The following CEP164 variants were observed in gnomAD, a reference collection of about 807,000 sequenced individuals.
CEP164 encodes centrosomal protein of 164 kDa.
A neutral mutation model predicts 182.7 loss-of-function variants in CEP164; 162 were observed. The ratio of observed to expected loss-of-function variants is 0.89; its 90% CI spans 0.78 to 1.01. The LOEUF is 1.01. CEP164 is among the 50% of genes least tolerant of loss of function. CEP164 has a pLI of 0.00. For missense variants in CEP164, 1,735 were observed against 1,790.4 expected, an observed-to-expected ratio of 0.97 and a Z score of 0.56; for synonymous variants, 661 against 690.0, an observed-to-expected ratio of 0.96 and a Z score of 0.66.
intron 8 of CEP164, among the ~76,000 whole-genome samples, chr11:117,363,759 CTTTTTTTTTTT>C (rs72255760): frequency 1.4e-4 from 8 of 58,440 alleles, no homozygotes; most frequent in Admixed American, 2.2e-4. Context: ...ACCTCCAATG[CTTTTTTTTTTT>C]TTTTTTTTTT....
At chr11:117,355,016 C>G in intron 5 of CEP164, 1 of 1,289,736 alleles carries the variant, frequency 7.8e-7, no homozygotes, top group Non-Finnish European at 1.0e-6. Context: ...GCTTGCTGAT[C>G]TGGACCTAGA....
intron 11 of CEP164, among the ~76,000 whole-genome samples, chr11:117,376,432 A>G (rs2042751673): frequency 6.6e-6 from 1 of 152,192 alleles, no homozygotes; most frequent in African/African-American, 2.4e-5. Context: ...TCAAACAGAG[A>G]TCCTGTCCTT....
At chr11:117,381,532 G>A (rs906914255) in intron 12 of CEP164, among the ~76,000 whole-genome samples, 169 bp from the exon 13 acceptor site, 3 of 152,180 alleles carry the variant, frequency 2.0e-5, no homozygotes, top group Non-Finnish European at 4.4e-5. Flanking sequence ...CTTCCCACAT[G>A]TGTGGCTGCC....
intron 25 of CEP164, 85 bp downstream of exon 25, chr11:117,396,265 C>T: frequency 6.9e-7 from 1 of 1,445,284 alleles, no homozygotes; most frequent in Non-Finnish European, 9.6e-7. Flanking sequence ...GGAGTACTTC[C>T]AGAGGGGACA....
At chr11:117,372,935 G>A (rs1255131749) in intron 9 of CEP164, among the ~76,000 whole-genome samples, 1 of 152,200 alleles carries the variant, frequency 6.6e-6, no homozygotes, top group Non-Finnish European at 1.5e-5. Flanking sequence ...CAAGACATGG[G>A]AGTGGTTGCT....
At chr11:117,324,432 C>T (rs1264445648), upstream of CEP164, among the ~76,000 whole-genome samples, 1 of 148,632 alleles carries the variant, frequency 6.7e-6, no homozygotes, top group African/African-American at 2.5e-5. Flanking sequence ...GGGCAACAAA[C>T]TCCCTCTCAA....
chr11:117,396,071 C>T lies in CEP164; in HGVS notation c.3107C>T (p.Ala1036Val), dbSNP rs1264586687. 20 of 1,614,030 alleles carry T rather than the reference C, an allele frequency of 1.2e-5. No homozygotes were observed. The highest frequency in any genetic ancestry group is 2.7e-5 in the African/African-American group (2 of 74,920). The part of the protein sequence containing the change: ...QKHFSSLEAE[A>V]QKKQHLLREV... ...TTCCACAGCAGCCTGGAGGCTGAAG[C>T]TCAAAAGAAGCAGCACCTGTTGAGA... Residue 1036 changes from alanine to valine, a missense_variant, in exon 25 of 33, where the codon GCT (alanine) becomes GTT (valine). Ala to Val is a moderately conservative substitution (Grantham distance 64, BLOSUM62 0). Coordinates refer to ENST00000278935, the MANE Select transcript of CEP164 (RefSeq NM_014956.5).
At chr11:117,325,339 C>T (rs1031472605), upstream of CEP164, among the ~76,000 whole-genome samples, 15 of 152,162 alleles carry the variant, frequency 9.9e-5, no homozygotes, top group Admixed American at 2.6e-4. Flanking sequence ...CCTGCCTCAC[C>T]CTCCCGAAGT....
chr11:117,332,340 C>T (rs541660275), intron 1 of CEP164, among the ~76,000 whole-genome samples: 2 of 152,046 alleles, frequency 1.3e-5, no homozygotes, highest in African/African-American at 4.8e-5. Context: ...TTTGGGAGGC[C>T]GAGGCGGGTG....
At chr11:117,398,991 A>G (rs1344720555) in intron 27 of CEP164, among the ~76,000 whole-genome samples, 1 of 151,740 alleles carries the variant, frequency 6.6e-6, no homozygotes, top group Non-Finnish European at 1.5e-5. Flanking sequence ...CTTTCTTTTT[A>G]TTTTTTAATT....
chr11:117,407,052 G>A (rs142614324), intron 27 of CEP164, among the ~76,000 whole-genome samples: 6 of 152,130 alleles, frequency 3.9e-5, no homozygotes, highest in Admixed American at 2.0e-4. Context: ...AGCCGAGATC[G>A]CACCACTGGA....
intron 1 of CEP164, among the ~76,000 whole-genome samples, chr11:117,332,701 G>T (rs764250814): frequency 1.3e-5 from 2 of 152,222 alleles, no homozygotes; most frequent in Non-Finnish European, 2.9e-5. Flanking sequence ...GGCTGGGAAG[G>T]CTTCCTGGAG....
chr11:117,338,480 A>C (rs539948961), intron 2 of CEP164, 86 bp from the exon 3 acceptor site: 45 of 957,712 alleles, frequency 4.7e-5, no homozygotes, highest in Non-Finnish European at 7.4e-5. Flanking sequence ...GGTTTGACCC[A>C]GATGCTCCAT....
chr11:117,403,451 T>G (rs891884079), intron 27 of CEP164, among the ~76,000 whole-genome samples: 4 of 152,238 alleles, frequency 2.6e-5, no homozygotes, highest in Non-Finnish European at 5.9e-5. Flanking sequence ...GGATATGAAA[T>G]TCTTTTCTTT....
Position 117,380,555 on chromosome 11 carries a change from A to C in CEP164, c.1318-59A>C, listed in dbSNP as rs1277727268. On this transcript the variant is annotated intron_variant, in intron 11 of 32. Transcript: ENST00000278935. Reference sequence around the variant, plus strand: ...TCTAAGCTTGAGAGCCAGCAGGAGGATGGAGGGACCCAAATGCAGTCCCTC... The same window carrying C: ...TCTAAGCTTGAGAGCCAGCAGGAGGCTGGAGGGACCCAAATGCAGTCCCTC... 5.1e-6 allele frequency: 7 copies of C among 1,381,748 alleles called. No homozygotes were observed. The Admixed American group carries it at 9.9e-5, about 19-fold the overall frequency. 85.6% of individuals were successfully genotyped at this position (1,381,748 alleles called of 1,614,324 possible).
rs2037158575 is a variant in CEP164 at position 117,336,596 on chromosome 11, A to T, written c.-22+916A>T. 5.5e-6 allele frequency: 8 copies of T among 1,449,478 alleles called. No individual in the cohort carries two copies. In the South Asian group the frequency reaches 9.2e-5, roughly 17 times the overall value. 89.8% of individuals were successfully genotyped at this position (1,449,478 alleles called of 1,614,324 possible). A position where few individuals can be genotyped will look rare whatever the true frequency, so the allele number is the denominator to read the frequency against. ...GGGCACCCAGTGTTGGGGGATATGG[A>T]TTTGGCCCTGGCTGTCTGGCATTGG... On this transcript the variant is annotated intron_variant, in intron 2 of 32. Transcript: ENST00000278935.
chr11:117,335,555 T>G (rs1443881465), intron 1 of CEP164, 50 bp from the exon 2 acceptor site: 1 of 151,962 alleles, frequency 6.6e-6, no homozygotes, highest in African/African-American at 2.4e-5. Flanking sequence ...GATCCAGCCA[T>G]TTCCTTTCTA....
intron 27 of CEP164, 45 bp downstream of exon 27, chr11:117,397,358 CG>C (rs1592409694): frequency 1.9e-6 from 3 of 1,559,726 alleles, no homozygotes; most frequent in Non-Finnish European, 2.6e-6. Context: ...GTGGGGGAGG[CG>C]GGGGGAGTCA....
rs1474379094 is a variant in CEP164, at chr11:117,395,671, C to T, written c.3038C>T (p.Ser1013Phe). 14 of 1,613,436 alleles carry T rather than the reference C, an allele frequency of 8.7e-6. No individual in the cohort carries two copies. Among genetic ancestry groups the T allele is most frequent in the Admixed American group, 1.7e-5 (1 of 59,988 alleles). Reference protein sequence around the residue: ...ELQARKLKLESQVDLLQAQSQ... With the variant: ...ELQARKLKLEFQVDLLQAQSQ... The stretch of plus-strand genomic sequence containing the variant: ...CAGGCCCGCAAGCTGAAGCTGGAGT[C>T]CCAAGTGGATCTGCTGCAGGCTCAG... The change falls in exon 24 of 33, where the codon TCC becomes TTC. Residue 1013 changes from serine to phenylalanine, a missense_variant. Transcript: ENST00000278935.
Sources: allele counts gnomAD v4.1 joint callset (sites outside exome capture counted in the v4.1 genomes callset), GRCh38; gene constraint gnomAD v4.1.1; transcripts MANE v1.5; gene names NCBI Gene and HGNC (gene_info 2026-07-23, HGNC 2026-07-21).